Variants in SLC6A3 observed in about 807,000 individuals in gnomAD.
SLC6A3 encodes the protein solute carrier family 6 member 3, also known as sodium-dependent dopamine transporter.
Under a neutral mutation model 70.4 loss-of-function variants are expected in SLC6A3, and 19 were observed. The ratio of observed to expected loss-of-function variants is 0.27; its 90% confidence interval spans 0.19 to 0.40. The LOEUF (loss-of-function observed/expected upper bound fraction) is 0.40. SLC6A3 is among the 10% of genes least tolerant of loss of function. The pLI, the probability that SLC6A3 is intolerant of heterozygous loss-of-function variation, is 1.00. For synonymous variants in SLC6A3, 368 were observed against 356.6 expected (o/e 1.03, Z -0.36); for missense variants, 613 against 838.5 (o/e 0.73, Z 3.32).
At chr5:1,419,475 G>C (rs1756385486) in intron 6 of SLC6A3, among the ~76,000 whole-genome samples, 1 of 152,222 alleles carries the variant, frequency 6.6e-6, no homozygotes, top group Non-Finnish European at 1.5e-5. Flanking sequence ...TCCTCCTGGG[G>C]CTGCCTATTC....
chr5:1,421,540 C>T lies in SLC6A3; in HGVS notation c.792+336G>A, dbSNP rs528481909. On this transcript the variant is annotated intron_variant, in intron 5 of 14. Coordinates refer to ENST00000270349, the MANE Select transcript of SLC6A3 (RefSeq NM_001044.5). The surrounding 1 kb of genome is among the most constrained non-coding windows in gnomAD (Gnocchi z 7.2). Reference sequence around the variant, plus strand: ...AGGCCCTTCCCCAAACACAGCCACACGTGGACCCAAAACCCAACTGTGCCG... The same window carrying T: ...AGGCCCTTCCCCAAACACAGCCACATGTGGACCCAAAACCCAACTGTGCCG... Among the ~76,000 whole-genome samples the T allele has an allele frequency of 7.9e-5, 12 of 152,244 alleles. No individual in the cohort carries two copies. The South Asian group carries it at 2.3e-3, about 29-fold the overall frequency.
Position 1,408,932 on chromosome 5 carries a change from GA to G in SLC6A3, c.1498+93del, listed in dbSNP as rs1756049476. ...ACCACAACCCAGGCTTCCTGCAGCT[GA>G]AAGGTGTTTCCTCACGGAGCCTTTT... On this transcript the variant is annotated intron_variant, in intron 11 of 14. Coordinates refer to ENST00000270349, the MANE Select transcript of SLC6A3 (RefSeq NM_001044.5). This position sits in a 1 kb window ranked among gnomAD's most constrained non-coding sequence, Gnocchi z 6.4. 14 of 855,844 alleles carry G rather than the reference GA, an allele frequency of 1.6e-5. No individual in the cohort carries two copies. Among genetic ancestry groups the G allele is most frequent in the Middle Eastern group, 2.9e-4 (1 of 3,428 alleles). 53.0% of individuals were successfully genotyped at this position (855,844 alleles called of 1,614,324 possible).
At chr5:1,426,907 G>A (rs1023069308) in intron 4 of SLC6A3, among the ~76,000 whole-genome samples, 1 of 152,236 alleles carries the variant, frequency 6.6e-6, no homozygotes, top group African/African-American at 2.4e-5. Flanking sequence ...CCACTGAACT[G>A]TGCACTGAAA....
intron 4 of SLC6A3, among the ~76,000 whole-genome samples, chr5:1,431,381 C>T (rs889322111): frequency 6.6e-6 from 1 of 152,162 alleles, no homozygotes; most frequent in Non-Finnish European, 1.5e-5. Flanking sequence ...GCGGGCCTGG[C>T]CTGGGTGGAC....
At chr5:1,400,151 T>C (rs1041219035) in intron 14 of SLC6A3, among the ~76,000 whole-genome samples, 3 of 152,150 alleles carry the variant, frequency 2.0e-5, no homozygotes, top group African/African-American at 7.2e-5. Context: ...TGGAATCAGG[T>C]CGGGGCTGAG....
At position 1,416,219 on chromosome 5, in the gene SLC6A3, G is replaced by A. The variant is rs373449776; in HGVS notation, c.928-18C>T. ...ATCCAAACCTGCAGAGCCAGAGGGC[G>A]GTGAGAGGCTGTCCCAGGAGAACGC... On this transcript the variant is annotated intron_variant, in intron 6 of 14. Coordinates refer to ENST00000270349, the MANE Select transcript of SLC6A3 (RefSeq NM_001044.5). 164 of 1,595,748 alleles carry A rather than the reference G, an allele frequency of 1.0e-4. No homozygotes were observed. Among genetic ancestry groups the A allele is most frequent in the Middle Eastern group, 1.7e-4 (1 of 6,044 alleles).
chr5:1,417,335 G>A (rs1177709004), intron 6 of SLC6A3, among the ~76,000 whole-genome samples: 2 of 152,156 alleles, frequency 1.3e-5, no homozygotes, highest in African/African-American at 2.4e-5. Context: ...TCCACATGCT[G>A]CATGATGGCA....
At position 1,402,853 on chromosome 5, in the gene SLC6A3, C is replaced by A. The variant is rs2126323833; in HGVS notation, c.1767+69G>T. Reference sequence around the variant, plus strand: ...TGACCCAGGCAGGTGAGGACTGGGGCCATGGACACCCACGGAGCCTTTCTG... The same window carrying A: ...TGACCCAGGCAGGTGAGGACTGGGGACATGGACACCCACGGAGCCTTTCTG... On this transcript the variant is annotated intron_variant, in intron 13 of 14. Coordinates refer to ENST00000270349, the MANE Select transcript of SLC6A3 (RefSeq NM_001044.5). The surrounding 1 kb of genome is among the most constrained non-coding windows in gnomAD (Gnocchi z 8.5). The A allele has an allele frequency of 2.0e-6, 3 of 1,506,348 alleles. No individual in the cohort carries two copies. Among genetic ancestry groups the A allele is most frequent in the South Asian group, 1.2e-5 (1 of 86,078 alleles). The allele number at this position is 1,506,348 out of a possible 1,614,324, so 93.3% of individuals were successfully genotyped here.
intron 4 of SLC6A3, among the ~76,000 whole-genome samples, chr5:1,430,664 C>T (rs142351270): frequency 6.6e-6 from 1 of 152,316 alleles, no homozygotes; most frequent in Non-Finnish European, 1.5e-5. Flanking sequence ...TCAGTGATGT[C>T]TGTTGATACG....
intron 1 of SLC6A3, 73 bp from the exon 2 acceptor site, chr5:1,443,315 G>C (rs1172794315): frequency 8.3e-7 from 1 of 1,205,786 alleles, no homozygotes. Flanking sequence ...GGACATACCT[G>C]GTGCGGAGGG....
Position 1,445,330 on chromosome 5 carries a change from G to A in SLC6A3, c.-46+18C>T, listed in dbSNP as rs1433722423. The A allele has an allele frequency of 6.5e-6, 1 of 153,362 alleles. No individual in the cohort carries two copies. The highest frequency in any genetic ancestry group is 2.4e-5 in the African/African-American group (1 of 41,552). The allele number at this position is 153,362 out of a possible 1,614,324, so 9.5% of individuals were successfully genotyped here. On this transcript the variant is annotated intron_variant, in intron 1 of 14. Transcript: ENST00000270349. ...AAGGAGCGGGGCGCCCCGATGCCGC[G>A]AGCGACGCTGGCCTCACCTGGCCGC...
chr5:1,393,185 G>A lies in SLC6A3; in HGVS notation c.*1550C>T, dbSNP rs933390907. 1.3e-5 allele frequency: 2 copies of A among 152,214 alleles called. No individual in the cohort carries two copies. Among genetic ancestry groups the A allele is most frequent in the Non-Finnish European group, 2.9e-5 (2 of 68,056 alleles). 9.4% of individuals were successfully genotyped at this position (152,214 alleles called of 1,614,324 possible). On this transcript the variant is annotated 3_prime_UTR_variant, in exon 15 of 15. Transcript: ENST00000270349. ...CTGGAGCCCACGTCCACTTGCAGGG[G>A]ACAGCCATGACTGGCCCTGCACGGC...
intron 4 of SLC6A3, among the ~76,000 whole-genome samples, chr5:1,427,490 A>T (rs183843582): frequency 3.3e-5 from 5 of 152,374 alleles, no homozygotes; most frequent in African/African-American, 1.2e-4. Context: ...GGGGCAAAAA[A>T]TTAGCACAAT....
At chr5:1,414,456 G>GGGAAGGGAA in intron 8 of SLC6A3, among the ~76,000 whole-genome samples, 1 of 134,948 alleles carries the variant, frequency 7.4e-6, no homozygotes, top group Non-Finnish European at 1.6e-5. Context: ...GGGAGGGGCA[G>GGGAAGGGAA]GGCGGGGAAG....
In SLC6A3 at chr5:1,416,145, C is replaced by T. The variant is rs1307489984; in HGVS notation, c.984G>A (p.Val328=). The change falls in exon 7 of 15, where the codon GTG becomes GTA. Residue 328 remains valine, a synonymous_variant. Transcript: ENST00000270349. ...TGTTGTAGCTGGAGAAGGCGATCAG[C>T]ACCCCGAACCCCACGCCCAGGGAGA... ...VCFSLGVGFG[V]LIAFSSYNKF... The T allele has an allele frequency of 1.2e-6, 2 of 1,614,038 alleles. No individual in the cohort carries two copies. Among genetic ancestry groups the T allele is most frequent in the Admixed American group, 1.7e-5 (1 of 60,026 alleles).
intron 12 of SLC6A3, among the ~76,000 whole-genome samples, chr5:1,403,875 C>T (rs1035564524): frequency 7.2e-5 from 11 of 152,302 alleles, no homozygotes; most frequent in African/African-American, 2.6e-4. Flanking sequence ...TCATCCACTC[C>T]ACAAACATGC....
intron 4 of SLC6A3, among the ~76,000 whole-genome samples, chr5:1,423,030 A>C (rs147287979): frequency 2.7e-5 from 1 of 36,870 alleles, no homozygotes; most frequent in African/African-American, 1.4e-4. Flanking sequence ...GGTGCTGGGT[A>C]CCCACCACTG....
In SLC6A3 at chr5:1,396,707, C is replaced by T. The variant is rs944499809; in HGVS notation, c.1840-1949G>A. The stretch of plus-strand genomic sequence containing the variant: ...CAGAGGGAACCACCTCTGATGCCCA[C>T]ACAGGGCTGGGCACGGTGCCTGTTC... On this transcript the variant is annotated intron_variant, in intron 14 of 14. Transcript: ENST00000270349. The surrounding 1 kb of genome is among the most constrained non-coding windows in gnomAD (Gnocchi z 7.0). Among the ~76,000 whole-genome samples the T allele has an allele frequency of 2.0e-5, 3 of 152,160 alleles. No individual in the cohort carries two copies. Among genetic ancestry groups the T allele is most frequent in the Admixed American group, 1.3e-4 (2 of 15,276 alleles).
chr5:1,410,570 C>T (rs1209650611), intron 9 of SLC6A3, among the ~76,000 whole-genome samples: 2 of 152,184 alleles, frequency 1.3e-5, no homozygotes, highest in East Asian at 3.8e-4. Context: ...CCGCCACCCC[C>T]AGCAGCTGGA....
Sources: gnomAD v4.1 joint callset for allele counts (sites outside exome capture counted in the v4.1 genomes callset) on GRCh38, gnomAD v4.1.1 for gene constraint, Gnocchi (gnomAD v3.1) non-coding constraint, MANE v1.5 for transcripts, NCBI Gene and HGNC (gene_info 2026-07-23, HGNC 2026-07-21) for gene names.